Variants in SGSM2 observed in about 807,000 individuals in gnomAD.
SGSM2 encodes the protein small G protein signaling modulator 2.
In SGSM2, 89 loss-of-function variants were observed where a neutral mutation model predicts 126.6. The ratio of observed to expected loss-of-function variants is 0.70; its 90% CI spans 0.59 to 0.84. SGSM2 has a LOEUF of 0.84. Among genes scored for constraint, SGSM2 ranks in the 40% least tolerant of loss-of-function variants. SGSM2 has a pLI of 0.00. For missense variants in SGSM2, 1,404 were observed against 1,416.6 expected, an observed-to-expected ratio of 0.99 and a Z score of 0.14; for synonymous variants, 614 against 574.3, an observed-to-expected ratio of 1.07 and a Z score of -0.99.
At position 2,379,803 on chromosome 17, in the gene SGSM2, C is replaced by T; in HGVS notation, c.*283C>T. The T allele has an allele frequency of 7.5e-7, 1 of 1,337,404 alleles. No homozygotes were observed. The highest frequency in any genetic ancestry group is 1.9e-5 in the South Asian group (1 of 52,342). 82.8% of individuals were successfully genotyped at this position (1,337,404 alleles called of 1,614,324 possible). On this transcript the variant is annotated 3_prime_UTR_variant, in exon 24 of 24. Coordinates refer to ENST00000268989, the MANE Select transcript of SGSM2 (RefSeq NM_014853.3). Reference sequence around the variant, plus strand: ...TCCCCTCTCACACATCTGGGAGTAGCCCCACTGCCACCTGCAGCCGCAGCC... The same window carrying T: ...TCCCCTCTCACACATCTGGGAGTAGTCCCACTGCCACCTGCAGCCGCAGCC...
chr17:2,361,904 C>G, intron 3 of SGSM2, 105 bp downstream of exon 3: 1 of 1,403,894 alleles, frequency 7.1e-7, no homozygotes, highest in Non-Finnish European at 9.6e-7. Flanking sequence ...GGGCCTGTTC[C>G]TTGCAGGGCC....
intron 1 of SGSM2, among the ~76,000 whole-genome samples, chr17:2,340,648 C>G (rs762402232): frequency 6.0e-5 from 9 of 151,188 alleles, no homozygotes; most frequent in African/African-American, 1.2e-4. Context: ...GCCGTGGCGC[C>G]ATCTCAGCTC....
chr17:2,361,421 C>T (rs2065303045), intron 2 of SGSM2, among the ~76,000 whole-genome samples: 1 of 152,090 alleles, frequency 6.6e-6, no homozygotes, highest in Non-Finnish European at 1.5e-5. Flanking sequence ...GCGCACCAGG[C>T]GAGGGAGAGG....
rs2065642899 is a variant in SGSM2, at chr17:2,367,368, C to G, written c.1386C>G (p.Ile462Met). 1.2e-6 allele frequency: 2 copies of G among 1,614,050 alleles called. No individual in the cohort carries two copies. Among genetic ancestry groups the G allele is most frequent in the African/African-American group, 1.3e-5 (1 of 74,948 alleles). Residue 462 changes from isoleucine to methionine, a missense_variant, in exon 12 of 24, where the codon ATC (isoleucine) becomes ATG (methionine). By Grantham distance (10) the Ile-to-Met change is conservative. Coordinates refer to ENST00000268989, the MANE Select transcript of SGSM2 (RefSeq NM_014853.3). This position sits in a 1 kb window ranked among gnomAD's most constrained non-coding sequence, Gnocchi z 4.0. Reference protein sequence around the residue: ...EDKLHAMLSMICSRNLTAPNP... With the variant: ...EDKLHAMLSMMCSRNLTAPNP... ...AACTGCACGCGATGCTCTCAATGATCTGCTCGCGGAACCTCACAGCTCCCA... is the reference window on the plus strand; with the variant it reads ...AACTGCACGCGATGCTCTCAATGATGTGCTCGCGGAACCTCACAGCTCCCA...
rs2065927452 is a variant in SGSM2, at chr17:2,372,612, A to G, written c.1788+124A>G. ...CCAGGGCCGATGCCACGGAGTGACC[A>G]GGGTCCCGGCAGAATCTCTTGCAGC... On this transcript the variant is annotated intron_variant, in intron 15 of 23. Coordinates refer to ENST00000268989, the MANE Select transcript of SGSM2 (RefSeq NM_014853.3). This position sits in a 1 kb window ranked among gnomAD's most constrained non-coding sequence, Gnocchi z 6.0. The G allele has an allele frequency of 1.5e-6, 2 of 1,345,682 alleles. No individual in the cohort carries two copies. Among genetic ancestry groups the G allele is most frequent in the Non-Finnish European group, 1.0e-6 (1 of 980,638 alleles). The allele number at this position is 1,345,682 out of a possible 1,614,324, so 83.4% of individuals were successfully genotyped here. A position where few individuals can be genotyped will look rare whatever the true frequency, so the allele number is the denominator to read the frequency against.
chr17:2,360,124 C>T (rs2065251193), intron 2 of SGSM2, among the ~76,000 whole-genome samples: 1 of 152,160 alleles, frequency 6.6e-6, no homozygotes. Flanking sequence ...GGGCGGATCA[C>T]TTGAGGTCAG....
Position 2,375,430 on chromosome 17 carries a change from A to C in SGSM2, c.2101-62A>C, listed in dbSNP as rs148868731. The C allele has an allele frequency of 2.0e-3, 3,113 of 1,532,910 alleles. 65 individuals carry two copies. In the African/African-American group the frequency reaches 0.038, roughly 19 times the overall value. 95.0% of individuals were successfully genotyped at this position (1,532,910 alleles called of 1,614,324 possible). ...ATTCCAGCTCCCTTCTGGCCCGAGG[A>C]GGCGGTGGGCTGCGGGAAGGTGCTG... On this transcript the variant is annotated intron_variant, in intron 17 of 23. Coordinates refer to ENST00000268989, the MANE Select transcript of SGSM2 (RefSeq NM_014853.3).
Position 2,367,207 on chromosome 17 carries a change from G to T in SGSM2, c.1289-64G>T. 6.5e-7 allele frequency: 1 copy of T among 1,535,928 alleles called. No individual in the cohort carries two copies. Among genetic ancestry groups the T allele is most frequent in the South Asian group, 1.2e-5 (1 of 81,222 alleles). On this transcript the variant is annotated intron_variant, in intron 11 of 23. Transcript: ENST00000268989. The surrounding 1 kb of genome is among the most constrained non-coding windows in gnomAD (Gnocchi z 4.0). ...CCTCCATTCCACTCCCCTTAAGGAG[G>T]GAGTCCGTCCTGCCCAGGGATGAGG...
chr17:2,373,584 G>A, intron 17 of SGSM2, 71 bp downstream of exon 17: 2 of 1,401,212 alleles, frequency 1.4e-6, no homozygotes, highest in South Asian at 1.3e-5. Context: ...GTGGTCCTGA[G>A]CACCAGCCTG....
chr17:2,371,309 G>A lies in SGSM2; in HGVS notation c.1471G>A (p.Ala491Thr). Residue 491 changes from alanine (A) to threonine (T), a missense_variant, in exon 13 of 24, where the codon GCC becomes ACC. Transcript: ENST00000268989. The part of the protein sequence containing the change: ...EMQGFGPSLP[A>T]WHLEPLCSQG... ...GCAGGGCTTTGGGCCCAGCCTGCCA[G>A]CCTGGCACCTGGAGCCCCTGTGCAG... 6.2e-7 allele frequency: 1 copy of A among 1,612,480 alleles called. No individual in the cohort carries two copies. Among genetic ancestry groups the A allele is most frequent in the Non-Finnish European group, 8.5e-7 (1 of 1,179,878 alleles).
rs765083624 is a variant in SGSM2, at chr17:2,377,926, C to T, written c.2872C>T (p.Arg958Cys). 13 of 1,612,180 alleles carry T rather than the reference C, an allele frequency of 8.1e-6. No homozygotes were observed. The highest frequency in any genetic ancestry group is 6.7e-5 in the African/African-American group (5 of 74,862). Residue 958 changes from arginine to cysteine, a missense_variant, in exon 22 of 24, where the codon CGC becomes TGC. By Grantham distance (180) the Arg-to-Cys change is radical. Coordinates refer to ENST00000268989, the MANE Select transcript of SGSM2 (RefSeq NM_014853.3). ...GDYTHFYFCY[R>C]WFLLDFKREL... ...CTACACCCACTTCTACTTCTGTTATCGCTGGTTCCTGCTGGATTTTAAGAG... is the reference window on the plus strand; with the variant it reads ...CTACACCCACTTCTACTTCTGTTATTGCTGGTTCCTGCTGGATTTTAAGAG...
rs753944894 is a variant in SGSM2, at chr17:2,379,193, G to A, written c.3057G>A (p.Lys1019=). ...DNNMDFTDII[K]FFNERAEHHD... is the part of the protein sequence containing the mutation. The stretch of plus-strand genomic sequence containing the variant: ...ACATGGACTTCACTGACATCATCAA[G>A]TTTTTCAATGGTACGAGCTGGTCCA... The change falls in exon 23 of 24, where the codon AAG becomes AAA. Residue 1019 remains lysine (K), a synonymous_variant. Coordinates refer to ENST00000268989, the MANE Select transcript of SGSM2 (RefSeq NM_014853.3). The A allele has an allele frequency of 2.5e-6, 4 of 1,614,138 alleles. No homozygotes were observed. The highest frequency in any genetic ancestry group is 1.1e-5 in the South Asian group (1 of 91,078).
Position 2,371,492 on chromosome 17 carries a change from G to A in SGSM2, c.1577+77G>A, listed in dbSNP as rs140037691. 1.2e-3 allele frequency: 1,794 copies of A among 1,486,774 alleles called. 8 individuals are homozygous for A. Among genetic ancestry groups the A allele is most frequent in the Non-Finnish European group, 1.5e-3 (1,663 of 1,115,274 alleles). 92.1% of individuals were successfully genotyped at this position (1,486,774 alleles called of 1,614,324 possible). ...GTGTGTCCGTCTGTCCTTAAAGGCC[G>A]TGTCACCTGCACGACAGGGTGGCCT... On this transcript the variant is annotated intron_variant, in intron 13 of 23. Transcript: ENST00000268989.
chr17:2,351,166 T>C (rs2064831933), intron 2 of SGSM2, among the ~76,000 whole-genome samples: 1 of 151,892 alleles, frequency 6.6e-6, no homozygotes. Context: ...GGCAGGAGAA[T>C]TGCTTGAACC....
At position 2,372,425 on chromosome 17, in the gene SGSM2, GC is replaced by G; in HGVS notation, c.1730del (p.Pro577ArgfsTer36). The G allele has an allele frequency of 6.3e-7, 1 of 1,599,140 alleles. No individual in the cohort carries two copies. The highest frequency in any genetic ancestry group is 1.1e-5 in the South Asian group (1 of 89,174). ...VHHSVIPPDR[P>X]PGASAGLTKD... is the part of the protein sequence containing the mutation. ...ACCATAGCGTTATCCCACCTGACCGGCCCCCGGGGGCCTCCGCGGGCCTCAC... is the reference window on the plus strand; with the variant it reads ...ACCATAGCGTTATCCCACCTGACCGGCCCCGGGGGCCTCCGCGGGCCTCAC... On this transcript the variant is annotated frameshift_variant, in exon 15 of 24. Transcript: ENST00000268989. LOFTEE classifies it high-confidence loss of function. This position sits in a 1 kb window ranked among gnomAD's most constrained non-coding sequence, Gnocchi z 6.0.
chr17:2,362,300 G>A lies in SGSM2; in HGVS notation c.458+30G>A. On this transcript the variant is annotated intron_variant, in intron 4 of 23. Coordinates refer to ENST00000268989, the MANE Select transcript of SGSM2 (RefSeq NM_014853.3). The surrounding 1 kb of genome is among the most constrained non-coding windows in gnomAD (Gnocchi z 4.9). The stretch of plus-strand genomic sequence containing the variant: ...CCGCCCCGTTCCCCAAAAACTGCAG[G>A]TGACCACCCCGTTCCCCCCAAAACT... 2 of 1,593,052 alleles carry A rather than the reference G, an allele frequency of 1.3e-6. No homozygotes were observed. Among genetic ancestry groups the A allele is most frequent in the Non-Finnish European group, 1.7e-6 (2 of 1,169,434 alleles).
chr17:2,347,128 C>T (rs557154465), intron 2 of SGSM2, among the ~76,000 whole-genome samples: 4 of 151,794 alleles, frequency 2.6e-5, no homozygotes, highest in Non-Finnish European at 4.4e-5. Flanking sequence ...TATTTAGAGA[C>T]GGAGTCTCAC....
chr17:2,362,952 G>A lies in SGSM2; in HGVS notation c.527-37G>A, dbSNP rs1274601435. 6 of 1,614,086 alleles carry A rather than the reference G, an allele frequency of 3.7e-6. No homozygotes were observed. Among genetic ancestry groups the A allele is most frequent in the Non-Finnish European group, 5.1e-6 (6 of 1,179,998 alleles). ...CAGTGGGTACGGGGCAGGTGCTGAG[G>A]GAGCATCGTCTGGGCTGGCTGTCTC... On this transcript the variant is annotated intron_variant, in intron 5 of 23. Coordinates refer to ENST00000268989, the MANE Select transcript of SGSM2 (RefSeq NM_014853.3). The surrounding 1 kb of genome is among the most constrained non-coding windows in gnomAD (Gnocchi z 4.9).
rs1188937796 is a variant in SGSM2 at position 2,373,090 on chromosome 17, A to G, written c.1917+9A>G. 6.3e-7 allele frequency: 1 copy of G among 1,599,260 alleles called. No homozygotes were observed. The highest frequency in any genetic ancestry group is 1.7e-5 in the Admixed American group (1 of 58,442). On this transcript the variant is annotated intron_variant, in intron 16 of 23. Coordinates refer to ENST00000268989, the MANE Select transcript of SGSM2 (RefSeq NM_014853.3). The stretch of plus-strand genomic sequence containing the variant: ...AGAAGGAGATGGAGCAGGTGAGGGG[A>G]GCCTGTTCCCATGGGGCTGATGAGA...
Sources: gnomAD v4.1 joint callset for allele counts (sites outside exome capture counted in the v4.1 genomes callset) on GRCh38, gnomAD v4.1.1 for gene constraint, Gnocchi (gnomAD v3.1) non-coding constraint, MANE v1.5 for transcripts, NCBI Gene and HGNC (gene_info 2026-07-23, HGNC 2026-07-21) for gene names.